The following WDFY2 variants were observed in gnomAD, a reference collection of about 807,000 sequenced individuals.
WDFY2 encodes the protein WD repeat and FYVE domain-containing protein 2.
Under a neutral mutation model 56.4 loss-of-function variants are expected in WDFY2, and 36 were observed. The ratio of observed to expected loss-of-function variants is 0.64; its 90% CI spans 0.49 to 0.84. The LOEUF (loss-of-function observed/expected upper bound fraction) is 0.84, where lower values mean the gene tolerates loss of function less well. Among genes scored for constraint, WDFY2 ranks in the 40% least tolerant of loss-of-function variants. The probability of loss-of-function intolerance (pLI) is 0.00; values close to 1 mark genes in which losing one functional copy is unlikely to be tolerated. For synonymous variants in WDFY2, 176 were observed against 183.7 expected (o/e 0.96, Z 0.34); for missense variants, 444 against 512.2 (o/e 0.87, Z 1.29).
intron 4 of WDFY2, among the ~76,000 whole-genome samples, chr13:51,707,304 G>A (rs944214690): frequency 2.0e-5 from 3 of 152,062 alleles, no homozygotes; most frequent in East Asian, 1.9e-4. Context: ...GACTACAGGC[G>A]TATGCCACCA....
intron 3 of WDFY2, among the ~76,000 whole-genome samples, chr13:51,683,173 G>T (rs1238053529): frequency 6.6e-6 from 1 of 152,128 alleles, no homozygotes; most frequent in African/African-American, 2.4e-5. Context: ...CCTTATTTTC[G>T]TGGATTGAGA....
intron 1 of WDFY2, among the ~76,000 whole-genome samples, chr13:51,635,763 G>T (rs1423031176): frequency 1.3e-5 from 2 of 152,156 alleles, no homozygotes; most frequent in African/African-American, 2.4e-5. Context: ...CTTTTGTAAG[G>T]ATTAAATGAT....
At chr13:51,735,594 A>G (rs1952817046) in intron 6 of WDFY2, among the ~76,000 whole-genome samples, 1 of 152,166 alleles carries the variant, frequency 6.6e-6, no homozygotes. Flanking sequence ...AAAGTAATCC[A>G]TCATCTTATC....
At chr13:51,610,253 T>G (rs1398237272) in intron 1 of WDFY2, among the ~76,000 whole-genome samples, 11 of 151,648 alleles carry the variant, frequency 7.3e-5, no homozygotes, top group South Asian at 2.1e-4. Context: ...TTTTTTTTTT[T>G]TGGGGGGCTA....
intron 1 of WDFY2, among the ~76,000 whole-genome samples, chr13:51,648,451 T>C (rs1335544100): frequency 6.6e-6 from 1 of 152,222 alleles, no homozygotes; most frequent in Non-Finnish European, 1.5e-5. Context: ...TTGGGCCTGA[T>C]GTAGTGCTTG....
At chr13:51,603,341 G>A (rs1301611357) in intron 1 of WDFY2, among the ~76,000 whole-genome samples, 2 of 152,170 alleles carry the variant, frequency 1.3e-5, no homozygotes, top group African/African-American at 4.8e-5. Flanking sequence ...CCCTTGTGGG[G>A]CATTGTGAGG....
In WDFY2 at chr13:51,719,277, T is replaced by G; in HGVS notation, c.414T>G (p.Phe138Leu). ...WVLSTGQDKQ[F>L]AWHCSESGQR... Reference sequence around the variant, plus strand: ...TGAGCACAGGACAGGACAAGCAATTTGCCTGGCACTGCTCTGAGAGTGGGC... The same window carrying G: ...TGAGCACAGGACAGGACAAGCAATTGGCCTGGCACTGCTCTGAGAGTGGGC... Residue 138 changes from phenylalanine (F) to leucine (L), a missense_variant, in exon 5 of 12, where the codon TTT becomes TTG. Coordinates refer to ENST00000298125, the MANE Select transcript of WDFY2 (RefSeq NM_052950.4). 6.2e-7 allele frequency: 1 copy of G among 1,614,184 alleles called. No homozygotes were observed. Among genetic ancestry groups the G allele is most frequent in the Non-Finnish European group, 8.5e-7 (1 of 1,180,018 alleles).
At chr13:51,736,641 C>T (rs933055533) in intron 6 of WDFY2, among the ~76,000 whole-genome samples, 18 of 152,124 alleles carry the variant, frequency 1.2e-4, no homozygotes, top group African/African-American at 2.4e-4. Context: ...TACAGGTGCG[C>T]GCCACCACGC....
intron 1 of WDFY2, among the ~76,000 whole-genome samples, chr13:51,593,013 T>A (rs1954080998): frequency 6.6e-6 from 1 of 152,172 alleles, no homozygotes; most frequent in Non-Finnish European, 1.5e-5. Context: ...TGCTCATAGA[T>A]CCCTTAGCAC....
At chr13:51,739,279 A>G (rs1952911793) in intron 7 of WDFY2, 104 bp downstream of exon 7, 1 of 1,352,986 alleles carries the variant, frequency 7.4e-7, no homozygotes, top group African/African-American at 1.5e-5. Context: ...TAGCATGGGA[A>G]GGAACATGGC....
intron 1 of WDFY2, among the ~76,000 whole-genome samples, chr13:51,649,919 A>G (rs1054259984): frequency 3.9e-5 from 6 of 152,104 alleles, no homozygotes; most frequent in Admixed American, 2.6e-4. Flanking sequence ...TTGGTTCCAT[A>G]TGAACTTTAA....
chr13:51,604,309 A>G (rs978669216), intron 1 of WDFY2, among the ~76,000 whole-genome samples: 1 of 152,216 alleles, frequency 6.6e-6, no homozygotes, highest in East Asian at 1.9e-4. Flanking sequence ...TCTCTGCTTC[A>G]GATTAGCCTC....
chr13:51,650,873 C>T (rs1350945825), intron 1 of WDFY2, among the ~76,000 whole-genome samples: 1 of 152,102 alleles, frequency 6.6e-6, no homozygotes, highest in Non-Finnish European at 1.5e-5. Context: ...GTCTAAAATT[C>T]TCTTTTTTTG....
intron 4 of WDFY2, among the ~76,000 whole-genome samples, chr13:51,713,326 A>G (rs1952266975): frequency 6.6e-6 from 1 of 152,254 alleles, no homozygotes; most frequent in Admixed American, 6.5e-5. Flanking sequence ...AACATTCAAA[A>G]TTAAATTAGC....
At chr13:51,689,393 G>A (rs1923874) in intron 3 of WDFY2, among the ~76,000 whole-genome samples, 70,900 of 151,952 alleles carry the variant, frequency 0.47, 16,832 homozygotes, top group Admixed American at 0.54. Flanking sequence ...AATTTGAGGA[G>A]GAATTTATAG....
At chr13:51,593,023 C>A (rs866920337) in intron 1 of WDFY2, among the ~76,000 whole-genome samples, 1 of 152,206 alleles carries the variant, frequency 6.6e-6, no homozygotes, top group East Asian at 1.9e-4. Flanking sequence ...TCCCTTAGCA[C>A]AGTGACTGTT....
chr13:51,632,755 T>C (rs1349543034), intron 1 of WDFY2, among the ~76,000 whole-genome samples: 1 of 152,254 alleles, frequency 6.6e-6, no homozygotes, highest in Non-Finnish European at 1.5e-5. Context: ...CAAACTTGTC[T>C]TGTTTCTAGC....
At chr13:51,684,551 TG>T (rs1956029923) in intron 3 of WDFY2, among the ~76,000 whole-genome samples, 1 of 152,138 alleles carries the variant, frequency 6.6e-6, no homozygotes, top group Non-Finnish European at 1.5e-5. Flanking sequence ...TTCTCAAGAC[TG>T]TGGCCCATTC....
At position 51,608,985 on chromosome 13, in the gene WDFY2, T is replaced by C. The variant is rs1218437151; in HGVS notation, c.137+24161T>C. The stretch of plus-strand genomic sequence containing the variant: ...CATTGGCTGTCATCTACAGATGTAA[T>C]TGCAAGCAGTGGAATTGCTACTTGA... On this transcript the variant is annotated intron_variant, in intron 1 of 11. Transcript: ENST00000298125. 2.6e-5 allele frequency among the ~76,000 whole-genome samples: 4 copies of C among 152,260 alleles called. No individual in the cohort carries two copies. The East Asian group carries it at 5.8e-4, about 22-fold the overall frequency.
Sources: gnomAD v4.1 joint callset for allele counts (sites outside exome capture counted in the v4.1 genomes callset) on GRCh38, gnomAD v4.1.1 for gene constraint, MANE v1.5 for transcripts, NCBI Gene and HGNC (gene_info 2026-07-23, HGNC 2026-07-21) for gene names.